Variants in NRIP1 observed in about 807,000 individuals in gnomAD.
NRIP1 encodes the protein nuclear receptor-interacting protein 1.
NRIP1 carries 28 observed loss-of-function variants against 75.0 expected under a neutral mutation model. That is an observed-to-expected ratio of 0.37 (90% CI 0.28 to 0.51). The LOEUF is 0.51. Ranked by LOEUF, NRIP1 falls within the 20% of genes least tolerant of loss-of-function variation. The probability of loss-of-function intolerance (pLI) is 0.92; values close to 1 mark genes in which losing one functional copy is unlikely to be tolerated. For missense variants in NRIP1, 1,435 were observed against 1,343.7 expected (o/e 1.07, Z -1.06); for synonymous variants, 526 against 487.6 (o/e 1.08, Z -1.04).
intron 2 of NRIP1, among the ~76,000 whole-genome samples, chr21:15,021,496 C>G (rs534223612): frequency 6.6e-6 from 1 of 152,296 alleles, no homozygotes; most frequent in African/African-American, 2.4e-5. Flanking sequence ...GCTGCAACAT[C>G]TGAGTGCATT....
At chr21:14,984,062 A>AT (rs1418460800) in intron 3 of NRIP1, among the ~76,000 whole-genome samples, 2 of 152,110 alleles carry the variant, frequency 1.3e-5, no homozygotes, top group African/African-American at 4.8e-5. Flanking sequence ...GGAAAAACAC[A>AT]TTTTCTAAGG....
chr21:15,038,619 A>C (rs1227212702), intron 2 of NRIP1, among the ~76,000 whole-genome samples: 1 of 152,100 alleles, frequency 6.6e-6, no homozygotes, highest in Non-Finnish European at 1.5e-5. Context: ...TCATATTTAC[A>C]TATTACCTTT....
chr21:15,006,856 T>C (rs771099288), intron 3 of NRIP1, among the ~76,000 whole-genome samples: 17 of 152,196 alleles, frequency 1.1e-4, no homozygotes, highest in Admixed American at 5.2e-4. Context: ...TATACTGTGC[T>C]AAATGCAATG....
intron 2 of NRIP1, among the ~76,000 whole-genome samples, chr21:15,016,963 G>C (rs1196329378): frequency 6.7e-6 from 1 of 149,010 alleles, no homozygotes; most frequent in Admixed American, 6.7e-5. Context: ...AGACAAGAAA[G>C]AAAGAAAGAA....
intron 2 of NRIP1, among the ~76,000 whole-genome samples, chr21:15,024,723 G>T (rs918894091): frequency 1.3e-5 from 2 of 152,002 alleles, no homozygotes; most frequent in African/African-American, 4.8e-5. Flanking sequence ...TGGAAGAAAT[G>T]ATGTGGTATG....
Position 14,965,951 on chromosome 21 carries a change from C to T in NRIP1, c.2242G>A (p.Glu748Lys). 1 of 1,614,062 alleles carries T rather than the reference C, an allele frequency of 6.2e-7. No homozygotes were observed. The highest frequency in any genetic ancestry group is 1.7e-4 in the Middle Eastern group (1 of 6,060). Reference protein sequence around the residue: ...TQEHSERALSEQILMVKIKSE... With the variant: ...TQEHSERALSKQILMVKIKSE... ...TTTATTTTCACCATCAGTATTTGTT[C>T]ACTTAAAGCTCTCTCTGAGTGTTCC... The change falls in exon 4 of 4, where the codon GAA becomes AAA. Residue 748 changes from glutamate (E) to lysine (K), a missense_variant. Transcript: ENST00000318948.
At chr21:15,016,418 C>G (rs930798838) in intron 2 of NRIP1, among the ~76,000 whole-genome samples, 1 of 152,168 alleles carries the variant, frequency 6.6e-6, no homozygotes, top group Non-Finnish European at 1.5e-5. Context: ...AATCCCCAGT[C>G]TCTGAAGTAA....
chr21:14,985,731 T>C (rs2087381223), intron 3 of NRIP1, among the ~76,000 whole-genome samples: 1 of 152,240 alleles, frequency 6.6e-6, no homozygotes, highest in South Asian at 2.1e-4. Flanking sequence ...AGATCTGGTA[T>C]GGATTTAGGT....
At position 14,963,148 on chromosome 21, in the gene NRIP1, T is replaced by C. The variant is rs10482863; in HGVS notation, c.*1568A>G. 16,806 of 152,438 alleles carry C rather than the reference T, an allele frequency of 0.11. 1,018 individuals are homozygous for C. The highest frequency in any genetic ancestry group is 0.2 in the East Asian group (1,036 of 5,178). The allele number at this position is 152,438 out of a possible 1,614,324, so 9.4% of individuals were successfully genotyped here. On this transcript the variant is annotated 3_prime_UTR_variant, in exon 4 of 4. Coordinates refer to ENST00000318948, the MANE Select transcript of NRIP1 (RefSeq NM_003489.4). ...AGTGATTGTGTACAATTCTGTCACG[T>C]ATATGTGCCCTTTGTACTTTTTATT...
intron 2 of NRIP1, among the ~76,000 whole-genome samples, chr21:15,038,449 T>C (rs2147299359): frequency 1.3e-5 from 2 of 152,184 alleles, no homozygotes; most frequent in East Asian, 3.9e-4. Flanking sequence ...AAATATAATG[T>C]ATGTCTCCTA....
rs762394915 is a variant in NRIP1, at chr21:14,964,757, G to A, written c.3436C>T (p.Leu1146Phe). Residue 1146 changes from leucine (L) to phenylalanine (F), a missense_variant, in exon 4 of 4, where the codon CTT becomes TTT. By Grantham distance (22) the Leu-to-Phe change is conservative (BLOSUM62 0). Transcript: ENST00000318948. The part of the protein sequence containing the change: ...PHSANGEVYG[L>F]LGSVLTIKKE... ...TTTATCGTTAGCACGCTTCCCAGAA[G>A]TCCATAAACTTCTCCATTTGCGCTG... 2 of 1,577,652 alleles carry A rather than the reference G, an allele frequency of 1.3e-6. No homozygotes were observed. The highest frequency in any genetic ancestry group is 1.4e-5 in the African/African-American group (1 of 72,692).
chr21:15,028,581 T>C (rs2088575735), intron 2 of NRIP1, among the ~76,000 whole-genome samples: 2 of 152,216 alleles, frequency 1.3e-5, no homozygotes, highest in South Asian at 4.1e-4. Context: ...AAAGATTAAA[T>C]AGATTTAATA....
intron 2 of NRIP1, among the ~76,000 whole-genome samples, chr21:15,035,357 GA>G (rs2088808020): frequency 6.6e-6 from 1 of 152,046 alleles, no homozygotes; most frequent in African/African-American, 2.4e-5. Flanking sequence ...AAGTTTATCA[GA>G]AACAAGTCTA....
chr21:15,052,595 A>C (rs1189234134), intron 1 of NRIP1, among the ~76,000 whole-genome samples: 1 of 152,186 alleles, frequency 6.6e-6, no homozygotes, highest in Non-Finnish European at 1.5e-5. Flanking sequence ...CCAATGACTT[A>C]AACTACAGAA....
At chr21:14,996,009 A>C (rs1291870912) in intron 3 of NRIP1, among the ~76,000 whole-genome samples, 1 of 152,186 alleles carries the variant, frequency 6.6e-6, no homozygotes. Flanking sequence ...TCCTTTGCTC[A>C]TTCATTACGC....
chr21:15,020,819 A>G (rs918477712), intron 2 of NRIP1, among the ~76,000 whole-genome samples: 4 of 152,116 alleles, frequency 2.6e-5, no homozygotes, highest in Non-Finnish European at 5.9e-5. Context: ...CACTAAAGAC[A>G]TGAAATACTA....
chr21:14,999,673 A>C (rs979292170), intron 3 of NRIP1, among the ~76,000 whole-genome samples: 1 of 152,102 alleles, frequency 6.6e-6, no homozygotes, highest in Non-Finnish European at 1.5e-5. Flanking sequence ...AGTTAAACGA[A>C]CTCTTTATAA....
intron 1 of NRIP1, among the ~76,000 whole-genome samples, chr21:15,063,556 T>G (rs890887037): frequency 6.6e-6 from 1 of 151,972 alleles, no homozygotes; most frequent in Non-Finnish European, 1.5e-5. Context: ...CTTCACAAAT[T>G]CCCCCAAGAA....
intron 3 of NRIP1, among the ~76,000 whole-genome samples, chr21:14,988,517 G>GTA (rs142771734): frequency 0.36 from 51,843 of 142,146 alleles, 9,008 homozygotes; most frequent in Non-Finnish European, 0.38. Context: ...GTGTGTGTGT[G>GTA]TATATATATA....
Sources: allele counts gnomAD v4.1 joint callset (sites outside exome capture counted in the v4.1 genomes callset), GRCh38; gene constraint gnomAD v4.1.1; transcripts MANE v1.5; gene names NCBI Gene and HGNC (gene_info 2026-07-23, HGNC 2026-07-21).